Variants in SNX1 observed in about 807,000 individuals in gnomAD.
The protein encoded by SNX1 is sorting nexin-1.
A neutral mutation model predicts 71.8 loss-of-function variants in SNX1; 36 were observed. The observed-to-expected ratio is 0.50, with a 90% CI of 0.38 to 0.66. The LOEUF is 0.66. Ranked by LOEUF, SNX1 falls within the 30% of genes least tolerant of loss-of-function variation. SNX1 has a pLI of 0.00. For synonymous variants in SNX1, 254 were observed against 240.7 expected, an observed-to-expected ratio of 1.06 and a Z score of -0.51; for missense variants, 612 against 646.7, an observed-to-expected ratio of 0.95 and a Z score of 0.58.
chr15:64,137,738 T>C lies in SNX1; in HGVS notation c.*120T>C. The C allele has an allele frequency of 6.5e-7, 1 of 1,531,498 alleles. No individual in the cohort carries two copies. Among genetic ancestry groups the C allele is most frequent in the South Asian group, 1.2e-5 (1 of 82,472 alleles). The allele number at this position is 1,531,498 out of a possible 1,614,324, so 94.9% of individuals were successfully genotyped here. A position where few individuals can be genotyped will look rare whatever the true frequency, so the allele number is the denominator to read the frequency against. On this transcript the variant is annotated 3_prime_UTR_variant, in exon 15 of 15. Transcript: ENST00000559844. ...AGGCTGGACTTAACCCCTTCCTCCC[T>C]GTCCCCACGACCAACTGTCCCCAGT...
Position 64,134,636 on chromosome 15 carries a change from G to T in SNX1, c.1222-28G>T. ...CAGCAGAGCTCTTGAAGAGCTGGTT[G>T]TGCTCCTCCTCAACCCCACCCCCAC... On this transcript the variant is annotated intron_variant, in intron 11 of 14. Coordinates refer to ENST00000559844, the MANE Select transcript of SNX1 (RefSeq NM_003099.5). This position sits in a 1 kb window ranked among gnomAD's most constrained non-coding sequence, Gnocchi z 4.1. 5 of 1,595,512 alleles carry T rather than the reference G, an allele frequency of 3.1e-6. No individual in the cohort carries two copies. The South Asian group carries it at 5.7e-5, about 18-fold the overall frequency.
intron 1 of SNX1, among the ~76,000 whole-genome samples, chr15:64,100,604 C>CA (rs34663775): frequency 0.18 from 18,173 of 100,558 alleles, 1,440 homozygotes; most frequent in South Asian, 0.34. Context: ...AACTCCATCT[C>CA]AAAAAAAAAA....
rs552038675 is a variant in SNX1 at position 64,126,980 on chromosome 15, A to C, written c.653-194A>C. ...GCAAGTCCTAGAGTTTAGAACCTTC[A>C]GCACTTAGAGACTAGTTTTCAAAAG... is the stretch of plus-strand genomic sequence containing the variant. On this transcript the variant is annotated intron_variant, in intron 6 of 14. Transcript: ENST00000559844. Among the ~76,000 whole-genome samples the C allele has an allele frequency of 3.3e-5, 5 of 152,294 alleles. No homozygotes were observed. The South Asian group carries it at 1.0e-3, about 32-fold the overall frequency.
intron 11 of SNX1, chr15:64,132,523 C>G (rs2081317549): frequency 1.9e-5 from 3 of 155,548 alleles, no homozygotes; most frequent in South Asian, 1.9e-4. Flanking sequence ...TGTGGTTTCC[C>G]CGTGAGCACT....
At chr15:64,113,602 T>C (rs561116673) in intron 2 of SNX1, among the ~76,000 whole-genome samples, 4 of 152,118 alleles carry the variant, frequency 2.6e-5, no homozygotes, top group Admixed American at 2.6e-4. Context: ...GGTGGATCAC[T>C]TGAGGTCAGG....
intron 6 of SNX1, among the ~76,000 whole-genome samples, chr15:64,126,814 G>A (rs542783988): frequency 1.2e-4 from 18 of 152,236 alleles, no homozygotes; most frequent in African/African-American, 4.1e-4. Flanking sequence ...TCTTGACCTC[G>A]TGGTCCGCCC....
Position 64,139,963 on chromosome 15 carries a change from T to G in SNX1, c.*2345T>G, listed in dbSNP as rs1016402665. The G allele has an allele frequency of 6.6e-6, 1 of 152,218 alleles. No individual in the cohort carries two copies. The highest frequency in any genetic ancestry group is 1.5e-5 in the Non-Finnish European group (1 of 68,048). The allele number at this position is 152,218 out of a possible 1,614,324, so 9.4% of individuals were successfully genotyped here. On this transcript the variant is annotated 3_prime_UTR_variant, in exon 15 of 15. Coordinates refer to ENST00000559844, the MANE Select transcript of SNX1 (RefSeq NM_003099.5). ...GGGTGGGAATATCACAGAAGCAGTG[T>G]GTCGTCAGTGCGTCGTAATCAGCAT...
intron 1 of SNX1, among the ~76,000 whole-genome samples, chr15:64,104,775 C>T (rs1003242820): frequency 2.6e-5 from 4 of 151,422 alleles, no homozygotes; most frequent in Middle Eastern, 3.4e-3. Context: ...ATCCCAGCTA[C>T]TTGGGACGCT....
In SNX1 at chr15:64,136,543, T is replaced by C. The variant is rs556484420; in HGVS notation, c.1446+133T>C. 1.1e-5 allele frequency: 8 copies of C among 753,324 alleles called. No individual in the cohort carries two copies. In the South Asian group the frequency reaches 1.2e-4, roughly 12 times the overall value. The allele number at this position is 753,324 out of a possible 1,614,324, so 46.7% of individuals were successfully genotyped here. On this transcript the variant is annotated intron_variant, in intron 13 of 14. Coordinates refer to ENST00000559844, the MANE Select transcript of SNX1 (RefSeq NM_003099.5). ...CAGTTCTCGTGAGCAGGCGTGGCCTTCTTTGGGGGGGTGTGTGCTTGATCC... is the reference window on the plus strand; with the variant it reads ...CAGTTCTCGTGAGCAGGCGTGGCCTCCTTTGGGGGGGTGTGTGCTTGATCC...
At chr15:64,106,974 C>T (rs1307937822) in intron 1 of SNX1, among the ~76,000 whole-genome samples, 1 of 152,192 alleles carries the variant, frequency 6.6e-6, no homozygotes, top group Non-Finnish European at 1.5e-5. Flanking sequence ...TGTCCCACCT[C>T]ACTCATTTCT....
At position 64,125,464 on chromosome 15, in the gene SNX1, C is replaced by CAAA. The variant is rs56350009; in HGVS notation, c.511-597_511-595dup. 1.0e-3 allele frequency among the ~76,000 whole-genome samples: 46 copies of CAAA among 45,868 alleles called. 1 individual carries two copies. Among genetic ancestry groups the CAAA allele is most frequent in the African/African-American group, 3.0e-3 (44 of 14,888 alleles). The allele number at this position is 45,868 out of a possible 152,430, so 30.1% of individuals were successfully genotyped here. A position where few individuals can be genotyped will look rare whatever the true frequency, so the allele number is the denominator to read the frequency against. On this transcript the variant is annotated intron_variant, in intron 5 of 14. Transcript: ENST00000559844. Reference sequence around the variant, plus strand: ...TGGGTGACAGAGTGAGACTCCATCTCAAAAAAAAAAAAAAAAAAAAGCAGT... The same window carrying CAAA: ...TGGGTGACAGAGTGAGACTCCATCTCAAAAAAAAAAAAAAAAAAAAAAAGCAGT...
Position 64,118,872 on chromosome 15 carries a change from C to T in SNX1, c.466+18C>T. On this transcript the variant is annotated intron_variant, in intron 4 of 14. Coordinates refer to ENST00000559844, the MANE Select transcript of SNX1 (RefSeq NM_003099.5). Reference sequence around the variant, plus strand: ...GAAGATAGGTAAGTGGTTCTTAGGACTCCTTGTGATGTTAGGATGTGGCTG... The same window carrying T: ...GAAGATAGGTAAGTGGTTCTTAGGATTCCTTGTGATGTTAGGATGTGGCTG... 1 of 1,595,624 alleles carries T rather than the reference C, an allele frequency of 6.3e-7. No homozygotes were observed. Among genetic ancestry groups the T allele is most frequent in the Non-Finnish European group, 8.6e-7 (1 of 1,164,500 alleles).
intron 1 of SNX1, among the ~76,000 whole-genome samples, chr15:64,098,154 G>A (rs1316446430): frequency 2.6e-5 from 4 of 152,200 alleles, no homozygotes; most frequent in Non-Finnish European, 4.4e-5. Context: ...GCATGCCTGA[G>A]AAATAATAAT....
chr15:64,120,782 A>G (rs1000529202), intron 4 of SNX1, among the ~76,000 whole-genome samples: 2 of 152,202 alleles, frequency 1.3e-5, no homozygotes, highest in Non-Finnish European at 2.9e-5. Context: ...TCAAGGCTGC[A>G]GTGAGCTGAG....
At chr15:64,111,411 A>ATATTGG (rs1823598246) in intron 1 of SNX1, 1 of 152,208 alleles carries the variant, frequency 6.6e-6, no homozygotes, top group African/African-American at 2.4e-5. Flanking sequence ...ATAAGTCTAA[A>ATATTGG]TATTGGTATG....
In SNX1 at chr15:64,134,114, G is replaced by A. The variant is rs1479459923; in HGVS notation, c.1222-550G>A. ...AGTTTAAAGGCTGGGTCCTTAGGGT[G>A]GACTTCCCTGACATATTTCCCAGGC... On this transcript the variant is annotated intron_variant, in intron 11 of 14. Transcript: ENST00000559844. This position sits in a 1 kb window ranked among gnomAD's most constrained non-coding sequence, Gnocchi z 4.1. The A allele has an allele frequency of 6.6e-6, 1 of 152,262 alleles. No homozygotes were observed. Among genetic ancestry groups the A allele is most frequent in the Non-Finnish European group, 1.5e-5 (1 of 68,096 alleles). 9.4% of individuals were successfully genotyped at this position (152,262 alleles called of 1,614,324 possible).
At chr15:64,108,697 T>C (rs1204357784) in intron 1 of SNX1, among the ~76,000 whole-genome samples, 2 of 152,068 alleles carry the variant, frequency 1.3e-5, no homozygotes, top group Non-Finnish European at 2.9e-5. Context: ...AAAAATAAAA[T>C]ATCAAAAGAG....
At chr15:64,124,802 T>G (rs891716484) in intron 5 of SNX1, among the ~76,000 whole-genome samples, 3 of 152,138 alleles carry the variant, frequency 2.0e-5, no homozygotes, top group Non-Finnish European at 4.4e-5. Context: ...ATACAAACTG[T>G]TTTTTAAAGT....
rs2081376765 is a variant in SNX1 at position 64,137,933 on chromosome 15, A to G, written c.*315A>G. On this transcript the variant is annotated 3_prime_UTR_variant, in exon 15 of 15. Transcript: ENST00000559844. Reference sequence around the variant, plus strand: ...ATATTTTTCAGGATGTGGTTTAGGAACTGGGAATAACGTTTTCTGTTACTC... The same window carrying G: ...ATATTTTTCAGGATGTGGTTTAGGAGCTGGGAATAACGTTTTCTGTTACTC... 1.3e-5 allele frequency: 18 copies of G among 1,418,688 alleles called. No homozygotes were observed. The highest frequency in any genetic ancestry group is 3.1e-5 in the Admixed American group (1 of 32,414). 87.9% of individuals were successfully genotyped at this position (1,418,688 alleles called of 1,614,324 possible).
Sources: allele counts gnomAD v4.1 joint callset (sites outside exome capture counted in the v4.1 genomes callset), GRCh38; gene constraint gnomAD v4.1.1; non-coding constraint Gnocchi (gnomAD v3.1); transcripts MANE v1.5; gene names NCBI Gene and HGNC (gene_info 2026-07-23, HGNC 2026-07-21).